Variants in GPR39 observed in about 807,000 individuals in gnomAD.
The protein encoded by GPR39 is G protein-coupled receptor 39.
GPR39 carries 23 observed loss-of-function variants against 18.4 expected under a neutral mutation model. That is an observed-to-expected ratio of 1.25 (90% CI 0.90 to 1.77). The LOEUF (loss-of-function observed/expected upper bound fraction) is 1.77, where lower values mean the gene tolerates loss of function less well. GPR39 is among the 40% of genes most tolerant of loss of function. The probability of loss-of-function intolerance (pLI) is 0.00; values close to 1 mark genes in which losing one functional copy is unlikely to be tolerated. For synonymous variants in GPR39, 280 were observed against 257.9 expected (o/e 1.09, Z -0.82); for missense variants, 647 against 602.4 (o/e 1.07, Z -0.78).
At chr2:132,508,626 A>G (rs1346023673) in intron 1 of GPR39, among the ~76,000 whole-genome samples, 1 of 152,204 alleles carries the variant, frequency 6.6e-6, no homozygotes, top group Non-Finnish European at 1.5e-5. Context: ...GGTGGAGGAC[A>G]GCATCTTGTT....
chr2:132,569,405 G>A (rs1207140881), intron 1 of GPR39, among the ~76,000 whole-genome samples: 1 of 152,098 alleles, frequency 6.6e-6, no homozygotes, highest in Non-Finnish European at 1.5e-5. Context: ...TGGGTTTGAT[G>A]GATGCGTGGA....
At chr2:132,533,375 G>T (rs534125717) in intron 1 of GPR39, among the ~76,000 whole-genome samples, 1 of 149,572 alleles carries the variant, frequency 6.7e-6, no homozygotes, top group South Asian at 2.1e-4. Flanking sequence ...AACATTCCAT[G>T]CTCATGGGTA....
At chr2:132,543,807 A>G (rs185550979) in intron 1 of GPR39, among the ~76,000 whole-genome samples, 2 of 152,312 alleles carry the variant, frequency 1.3e-5, no homozygotes, top group Admixed American at 1.3e-4. Flanking sequence ...CAGCAGGAGA[A>G]AAGAGCATTT....
chr2:132,493,317 A>G (rs1681551535), intron 1 of GPR39, among the ~76,000 whole-genome samples: 1 of 147,044 alleles, frequency 6.8e-6, no homozygotes, highest in South Asian at 2.1e-4. Context: ...TATACCATAT[A>G]TATACACATA....
chr2:132,637,678 TC>T (rs1681788380), intron 1 of GPR39, among the ~76,000 whole-genome samples: 1 of 152,216 alleles, frequency 6.6e-6, no homozygotes, highest in African/African-American at 2.4e-5. Flanking sequence ...TCCAAGAAAG[TC>T]CTAGCTTGGA....
chr2:132,422,573 A>G (rs1680034660), intron 1 of GPR39, among the ~76,000 whole-genome samples: 3 of 152,020 alleles, frequency 2.0e-5, no homozygotes, highest in Admixed American at 2.0e-4. Flanking sequence ...ATATGAAAGG[A>G]TATGTCAACA....
chr2:132,635,048 T>C (rs1681724627), intron 1 of GPR39, among the ~76,000 whole-genome samples: 1 of 152,210 alleles, frequency 6.6e-6, no homozygotes, highest in South Asian at 2.1e-4. Flanking sequence ...CTGAGGGTGC[T>C]GGTCTTGTTT....
At chr2:132,565,698 A>G (rs1320830664) in intron 1 of GPR39, among the ~76,000 whole-genome samples, 13 of 143,658 alleles carry the variant, frequency 9.0e-5, no homozygotes, top group African/African-American at 2.8e-4. Context: ...ATGATTTCCA[A>G]TTTCATCCAT....
intron 1 of GPR39, among the ~76,000 whole-genome samples, chr2:132,545,754 A>G (rs1679937524): frequency 6.6e-6 from 1 of 152,102 alleles, no homozygotes; most frequent in African/African-American, 2.4e-5. Context: ...AGATCTTGCT[A>G]AAAGGCAGAA....
At position 132,645,740 on chromosome 2, in the gene GPR39, C is replaced by A; in HGVS notation, c.*134C>A. 1 of 1,252,742 alleles carries A rather than the reference C, an allele frequency of 8.0e-7. No individual in the cohort carries two copies. Among genetic ancestry groups the A allele is most frequent in the Non-Finnish European group, 1.1e-6 (1 of 920,128 alleles). The allele number at this position is 1,252,742 out of a possible 1,614,324, so 77.6% of individuals were successfully genotyped here. A position where few individuals can be genotyped will look rare whatever the true frequency, so the allele number is the denominator to read the frequency against. On this transcript the variant is annotated 3_prime_UTR_variant, in exon 2 of 2. Transcript: ENST00000329321. ...TGGAGGCTTTACAAAAGGCAGATGC[C>A]CACCTCAGTGACTTCTAAGGACTGA... is the stretch of plus-strand genomic sequence containing the variant.
At chr2:132,603,133 C>A (rs546130966) in intron 1 of GPR39, among the ~76,000 whole-genome samples, 2 of 152,104 alleles carry the variant, frequency 1.3e-5, no homozygotes, top group East Asian at 1.9e-4. Context: ...TAGAATCAAC[C>A]AAAATTTTTA....
chr2:132,553,281 C>T (rs570194952), intron 1 of GPR39, among the ~76,000 whole-genome samples: 7 of 150,272 alleles, frequency 4.7e-5, no homozygotes, highest in East Asian at 2.0e-4. Context: ...CCTCCCCTCA[C>T]GGATACTGTA....
Position 132,429,275 on chromosome 2 carries a change from G to A in GPR39, c.856+11377G>A, listed in dbSNP as rs142491335. 6.6e-5 allele frequency among the ~76,000 whole-genome samples: 10 copies of A among 152,264 alleles called. No individual in the cohort carries two copies. In the East Asian group the frequency reaches 1.5e-3, roughly 23 times the overall value. ...GAGGGTGAGTCTCTCAAAAGAAAACGCTCTGTAGTCTCTCAAAAGAGAATA... is the reference window on the plus strand; with the variant it reads ...GAGGGTGAGTCTCTCAAAAGAAAACACTCTGTAGTCTCTCAAAAGAGAATA... On this transcript the variant is annotated intron_variant, in intron 1 of 1. Transcript: ENST00000329321.
At chr2:132,616,571 C>T (rs1171082393) in intron 1 of GPR39, among the ~76,000 whole-genome samples, 4 of 152,138 alleles carry the variant, frequency 2.6e-5, no homozygotes, top group Non-Finnish European at 5.9e-5. Flanking sequence ...CTGGGTTGAC[C>T]TTCTGCAGAA....
At chr2:132,461,464 C>T (rs1558805258) in intron 1 of GPR39, among the ~76,000 whole-genome samples, 1 of 152,056 alleles carries the variant, frequency 6.6e-6, no homozygotes, top group Non-Finnish European at 1.5e-5. Context: ...AAGTAATATA[C>T]CAAAATTCAG....
At chr2:132,436,171 G>T (rs548328690) in intron 1 of GPR39, among the ~76,000 whole-genome samples, 1 of 152,212 alleles carries the variant, frequency 6.6e-6, no homozygotes, top group South Asian at 2.1e-4. Context: ...GCAGCTCCAG[G>T]CCCTGGCAGC....
chr2:132,464,906 A>G (rs1680900098), intron 1 of GPR39, among the ~76,000 whole-genome samples: 1 of 152,162 alleles, frequency 6.6e-6, no homozygotes, highest in Non-Finnish European at 1.5e-5. Flanking sequence ...CCCAGGGGGC[A>G]TGGGGCAATA....
chr2:132,563,114 C>T (rs559197224), intron 1 of GPR39, among the ~76,000 whole-genome samples: 36 of 152,300 alleles, frequency 2.4e-4, no homozygotes, highest in African/African-American at 8.4e-4. Flanking sequence ...GATAAGGATA[C>T]AACTAAGCTA....
intron 1 of GPR39, among the ~76,000 whole-genome samples, chr2:132,459,664 AATT>A (rs779161983): frequency 3.3e-5 from 5 of 152,178 alleles, no homozygotes; most frequent in Non-Finnish European, 7.4e-5. Flanking sequence ...CATGATCATG[AATT>A]ATTCCCTTCT....
Sources: allele counts gnomAD v4.1 joint callset (sites outside exome capture counted in the v4.1 genomes callset), GRCh38; gene constraint gnomAD v4.1.1; transcripts MANE v1.5; gene names NCBI Gene and HGNC (gene_info 2026-07-23, HGNC 2026-07-21).